Variants in ESYT1 observed in about 807,000 individuals in gnomAD.
ESYT1 encodes extended synaptotagmin 1.
A neutral mutation model predicts 154.2 loss-of-function variants in ESYT1; 116 were observed. That is an observed-to-expected ratio of 0.75 (90% CI 0.65 to 0.88). The LOEUF is 0.88. Among genes scored for constraint, ESYT1 ranks in the 40% least tolerant of loss-of-function variants. The pLI, the probability that ESYT1 is intolerant of heterozygous loss-of-function variation, is 0.00. For missense variants in ESYT1, 1,264 were observed against 1,379.3 expected, an observed-to-expected ratio of 0.92 and a Z score of 1.32; for synonymous variants, 500 against 539.9, an observed-to-expected ratio of 0.93 and a Z score of 1.02.
chr12:56,132,279 C>G lies in ESYT1; in HGVS notation c.931C>G (p.Pro311Ala). 6.2e-7 allele frequency: 1 copy of G among 1,614,118 alleles called. No homozygotes were observed. The highest frequency in any genetic ancestry group is 1.1e-5 in the South Asian group (1 of 91,080). ...CGTGTTGCCCAACCGATTACTGGTG[C>G]CCCTTGTGCCTGACCTTCAAGATGT... is the stretch of plus-strand genomic sequence containing the variant. Reference protein sequence around the residue: ...FLVLPNRLLVPLVPDLQDVAQ... With the variant: ...FLVLPNRLLVALVPDLQDVAQ... Residue 311 changes from proline (P) to alanine (A), a missense_variant, in exon 8 of 31, where the codon CCC (proline) becomes GCC (alanine). Physicochemically the swap from Pro to Ala is conservative, Grantham distance 27. Coordinates refer to ENST00000394048, the MANE Select transcript of ESYT1 (RefSeq NM_015292.3).
intron 15 of ESYT1, among the ~76,000 whole-genome samples, chr12:56,136,329 G>C (rs930005922): frequency 6.6e-6 from 1 of 152,120 alleles, no homozygotes; most frequent in African/African-American, 2.4e-5. Context: ...GGATTGGGCA[G>C]AGGACTATAA....
rs1486028031 is a variant in ESYT1, at chr12:56,128,609, A to C, written c.290A>C (p.Glu97Ala). Residue 97 changes from glutamate (E) to alanine (A), a missense_variant, in exon 1 of 31, where the codon GAG becomes GCG. Glu to Ala is a moderately radical substitution (Grantham distance 107, BLOSUM62 -1). Transcript: ENST00000394048. Reference protein sequence around the residue: ...LYLGWRRVRDEKERSLRAARQ... With the variant: ...LYLGWRRVRDAKERSLRAARQ... ...CTGGGCTGGCGCCGGGTCCGCGACG[A>C]GAAAGAACGGAGCCTTCGAGCAGCG... 6.2e-7 allele frequency: 1 copy of C among 1,614,178 alleles called. No homozygotes were observed. The highest frequency in any genetic ancestry group is 1.7e-5 in the Admixed American group (1 of 60,024).
Position 56,132,565 on chromosome 12 carries a change from G to T in ESYT1, c.1129G>T (p.Glu377Ter), listed in dbSNP as rs1316847486. 2.5e-6 allele frequency: 4 copies of T among 1,614,202 alleles called. No individual in the cohort carries two copies. The highest frequency in any genetic ancestry group is 3.4e-6 in the Non-Finnish European group (4 of 1,180,040). Residue 377 changes from glutamate (E) to a stop codon, truncating the protein, a stop_gained, in exon 9 of 31, where the codon GAA becomes TAA. Coordinates refer to ENST00000394048, the MANE Select transcript of ESYT1 (RefSeq NM_015292.3). LOFTEE classifies it high-confidence loss of function. ...QTFCSRVIDEELNPQWGETYE... is the reference protein window; with the variant it reads ...QTFCSRVIDE ...ATTCTGCAGTCGTGTCATTGATGAAGAACTCAACCCACAGTGGGGAGAGAC... is the reference window on the plus strand; with the variant it reads ...ATTCTGCAGTCGTGTCATTGATGAATAACTCAACCCACAGTGGGGAGAGAC...
Position 56,130,786 on chromosome 12 carries a change from C to A in ESYT1, c.433-5C>A, listed in dbSNP as rs776408391. 1 of 1,613,744 alleles carries A rather than the reference C, an allele frequency of 6.2e-7. No homozygotes were observed. The highest frequency in any genetic ancestry group is 8.5e-7 in the Non-Finnish European group (1 of 1,179,986). On this transcript the variant is annotated splice_polypyrimidine_tract_variant and splice_region_variant and intron_variant, in intron 2 of 30. Transcript: ENST00000394048. ...TCTCCTCTGACCATCTCTCTTTCCT[C>A]CCAGATTGTGGCCCAGGTCTGGCCC...
At position 56,138,231 on chromosome 12, in the gene ESYT1, G is replaced by A. The variant is rs1415447267; in HGVS notation, c.2296G>A (p.Glu766Lys). 1.4e-5 allele frequency: 22 copies of A among 1,614,192 alleles called. No homozygotes were observed. The highest frequency in any genetic ancestry group is 1.7e-5 in the Non-Finnish European group (20 of 1,180,024). ...VPSGRLHLRL[E>K]RLTPRPTAAE... Reference sequence around the variant, plus strand: ...ATCTGGCCGCCTGCACTTGCGCCTGGAGCGTCTCACCCCCCGTCCCACTGC... The same window carrying A: ...ATCTGGCCGCCTGCACTTGCGCCTGAAGCGTCTCACCCCCCGTCCCACTGC... Residue 766 changes from glutamate (E) to lysine (K), a missense_variant, in exon 21 of 31, where the codon GAG becomes AAG. By Grantham distance (56) the Glu-to-Lys change is moderately conservative (BLOSUM62 1). Transcript: ENST00000394048.
intron 15 of ESYT1, 115 bp from the exon 16 acceptor site, chr12:56,136,629 A>C: frequency 2.8e-5 from 18 of 636,266 alleles, no homozygotes; most frequent in Non-Finnish European, 3.2e-5. Flanking sequence ...TGAGTGGAGC[A>C]GGAGGTTTGT....
intron 1 of ESYT1, 31 bp from the exon 2 acceptor site, chr12:56,130,551 A>G: frequency 1.9e-6 from 3 of 1,613,094 alleles, no homozygotes; most frequent in Non-Finnish European, 1.7e-6. Flanking sequence ...GGTGTGCTGC[A>G]CGTCACTGTC....
In ESYT1 at chr12:56,131,062, A is replaced by G; in HGVS notation, c.590A>G (p.Lys197Arg). ...TAGCCATTGCGCATCATTGGAGTCA[A>G]GGTTCACCCAGGTCAGAGAAAAGAG... ...GEKPLRIIGV[K>R]VHPGQRKEQI... The change falls in exon 4 of 31, where the codon AAG (lysine) becomes AGG (arginine). Residue 197 changes from lysine (K) to arginine (R), a missense_variant. By Grantham distance (26) the Lys-to-Arg change is conservative. Coordinates refer to ENST00000394048, the MANE Select transcript of ESYT1 (RefSeq NM_015292.3). The G allele has an allele frequency of 6.2e-7, 1 of 1,614,162 alleles. No individual in the cohort carries two copies. Among genetic ancestry groups the G allele is most frequent in the South Asian group, 1.1e-5 (1 of 91,080 alleles).
Position 56,130,772 on chromosome 12 carries a change from C to A in ESYT1, c.433-19C>A. On this transcript the variant is annotated intron_variant, in intron 2 of 30. Transcript: ENST00000394048. ...AGGGAAGACTGGACTCTCCTCTGAC[C>A]ATCTCTCTTTCCTCCCAGATTGTGG... is the stretch of plus-strand genomic sequence containing the variant. The A allele has an allele frequency of 6.2e-7, 1 of 1,613,630 alleles. No individual in the cohort carries two copies. The highest frequency in any genetic ancestry group is 1.1e-5 in the South Asian group (1 of 91,034).
At position 56,133,853 on chromosome 12, in the gene ESYT1, G is replaced by C; in HGVS notation, c.1453G>C (p.Asp485His). ...PSAAILVVYLDRAQDLPLKKG... is the reference protein window; with the variant it reads ...PSAAILVVYLHRAQDLPLKKG... ...AGCTGCCATCTTAGTTGTCTACCTG[G>C]ATCGGGCCCAGGATCTTCCTGTGAG... Residue 485 changes from aspartate to histidine, a missense_variant, in exon 13 of 31, where the codon GAT becomes CAT. Transcript: ENST00000394048. 1 of 1,614,134 alleles carries C rather than the reference G, an allele frequency of 6.2e-7. No individual in the cohort carries two copies. The highest frequency in any genetic ancestry group is 8.5e-7 in the Non-Finnish European group (1 of 1,180,036).
In ESYT1 at chr12:56,137,691, C is replaced by A. The variant is rs770652727; in HGVS notation, c.2115+16C>A. The A allele has an allele frequency of 1.2e-6, 2 of 1,611,718 alleles. No individual in the cohort carries two copies. The highest frequency in any genetic ancestry group is 2.2e-5 in the South Asian group (2 of 90,876). The stretch of plus-strand genomic sequence containing the variant: ...GGTTTTTGAGGTCAGAATTGAGTGG[C>A]TGTGACTCCTGGTTCTGCCCCATTT... On this transcript the variant is annotated intron_variant, in intron 18 of 30. Coordinates refer to ENST00000394048, the MANE Select transcript of ESYT1 (RefSeq NM_015292.3).
Position 56,128,352 on chromosome 12 carries a change from C to T in ESYT1, c.33C>T (p.Pro11=), listed in dbSNP as rs1870085824. ...GATCTCCAGGAGAGGGCCCCAGCCC[C>T]AGCCCCATGGACCAGCCCTCTGCTC... is the stretch of plus-strand genomic sequence containing the variant. MERSPGEGPS[P]SPMDQPSAPS... The change falls in exon 1 of 31, where the codon CCC becomes CCT. Residue 11 remains proline, a synonymous_variant. Transcript: ENST00000394048. 6.2e-7 allele frequency: 1 copy of T among 1,612,178 alleles called. No individual in the cohort carries two copies.
rs773501899 is a variant in ESYT1, at chr12:56,131,361, G to C, written c.714+45G>C. ...CCACATAATAGGGAATGTTTGTCCT[G>C]CGTTTCATGGGATATGGGGAAGTGT... is the stretch of plus-strand genomic sequence containing the variant. On this transcript the variant is annotated intron_variant, in intron 5 of 30. Coordinates refer to ENST00000394048, the MANE Select transcript of ESYT1 (RefSeq NM_015292.3). 12 of 1,612,604 alleles carry C rather than the reference G, an allele frequency of 7.4e-6. No individual in the cohort carries two copies. The African/African-American group carries it at 1.3e-4, about 18-fold the overall frequency.
At position 56,143,583 on chromosome 12, in the gene ESYT1, C is replaced by G. The variant is rs1433737936; in HGVS notation, c.3229C>G (p.Gln1077Glu). Residue 1077 changes from glutamine (Q) to glutamate (E), a missense_variant, in exon 30 of 31, where the codon CAG (glutamine) becomes GAG (glutamate). Gln to Glu is a conservative substitution (Grantham distance 29). Coordinates refer to ENST00000394048, the MANE Select transcript of ESYT1 (RefSeq NM_015292.3). ...SRERELLGKV[Q>E]LDLAETDLSQ... ...CCCCTATCATCTTCCAACACAGGTGCAGCTGGACCTAGCTGAGACAGACCT... is the reference window on the plus strand; with the variant it reads ...CCCCTATCATCTTCCAACACAGGTGGAGCTGGACCTAGCTGAGACAGACCT... 6.2e-7 allele frequency: 1 copy of G among 1,613,992 alleles called. No individual in the cohort carries two copies. Among genetic ancestry groups the G allele is most frequent in the Admixed American group, 1.7e-5 (1 of 60,004 alleles).
Position 56,142,991 on chromosome 12 carries a change from A to G in ESYT1, c.2988-26A>G, listed in dbSNP as rs756603554. ...CCTCCATCCCTTCCCTCAGGTTACC[A>G]TATCACCTACATCCTCCTGTTGTAG... On this transcript the variant is annotated intron_variant, in intron 27 of 30. Transcript: ENST00000394048. The surrounding 1 kb of genome is among the most constrained non-coding windows in gnomAD (Gnocchi z 4.1). 9.9e-6 allele frequency: 16 copies of G among 1,614,080 alleles called. No individual in the cohort carries two copies. Among genetic ancestry groups the G allele is most frequent in the African/African-American group, 1.3e-5 (1 of 75,026 alleles).
At position 56,132,201 on chromosome 12, in the gene ESYT1, C is replaced by G; in HGVS notation, c.861-8C>G. 1.2e-6 allele frequency: 2 copies of G among 1,614,146 alleles called. No homozygotes were observed. The highest frequency in any genetic ancestry group is 2.7e-5 in the African/African-American group (2 of 75,008). ...GCCATACCCACTCCTTTCTACTCCC[C>G]CATTCAGCTCACTCTCTGACACCAT... is the stretch of plus-strand genomic sequence containing the variant. On this transcript the variant is annotated splice_region_variant and splice_polypyrimidine_tract_variant and intron_variant, in intron 7 of 30. Coordinates refer to ENST00000394048, the MANE Select transcript of ESYT1 (RefSeq NM_015292.3).
At chr12:56,134,006 C>G in intron 13 of ESYT1, 104 bp from the exon 14 acceptor site, 1 of 1,538,342 alleles carries the variant, frequency 6.5e-7, no homozygotes, top group Non-Finnish European at 9.0e-7. Context: ...GGGAGGGGAT[C>G]AGATCCATCT....
In ESYT1 at chr12:56,143,088, G is replaced by A. The variant is rs148687619; in HGVS notation, c.3059G>A (p.Arg1020Gln). The A allele has an allele frequency of 3.5e-5, 57 of 1,614,128 alleles. No homozygotes were observed. The African/African-American group carries it at 4.3e-4, about 12-fold the overall frequency. The change falls in exon 28 of 31, where the codon CGA becomes CAA. Residue 1020 changes from arginine (R) to glutamine (Q), a missense_variant. Physicochemically the swap from Arg to Gln is conservative, Grantham distance 43. Transcript: ENST00000394048. The part of the protein sequence containing the change: ...VSLLLLPDKN[R>Q]GTKRRTSQKK... ...CTGTTGCTACTGCCAGACAAGAACC[G>A]AGGCACCAAGAGGAGGACCTCACAG...
chr12:56,141,707 T>C (rs1224147185), intron 24 of ESYT1, among the ~76,000 whole-genome samples: 1 of 152,120 alleles, frequency 6.6e-6, no homozygotes, highest in Non-Finnish European at 1.5e-5. Context: ...GCCACTGCAC[T>C]CCAGCCTGGG....
Sources: gnomAD v4.1 joint callset for allele counts (sites outside exome capture counted in the v4.1 genomes callset) on GRCh38, gnomAD v4.1.1 for gene constraint, Gnocchi (gnomAD v3.1) non-coding constraint, MANE v1.5 for transcripts, NCBI Gene and HGNC (gene_info 2026-07-23, HGNC 2026-07-21) for gene names.